Variants in SLC16A7 observed in about 807,000 individuals in gnomAD.
SLC16A7 encodes solute carrier family 16 member 7, also known as monocarboxylate transporter 2.
SLC16A7 carries 33 observed loss-of-function variants against 34.9 expected under a neutral mutation model. The ratio of observed to expected loss-of-function variants is 0.94; its 90% CI spans 0.72 to 1.26. SLC16A7 has a LOEUF of 1.26. Ranked by LOEUF, SLC16A7 falls within the 50% of genes most tolerant of loss-of-function variation. SLC16A7 has a pLI of 0.00. For synonymous variants in SLC16A7, 201 were observed against 206.6 expected, an observed-to-expected ratio of 0.97 and a Z score of 0.23; for missense variants, 573 against 578.1, an observed-to-expected ratio of 0.99 and a Z score of 0.09.
At position 59,783,827 on chromosome 12, in the gene SLC16A7, CT is replaced by C; in HGVS notation, c.*4155del. ...CCACCATGCCCGGCTAATTTTGTGG[CT>C]TTTTTTGTTTTGTTTTGTTTTGTTT... On this transcript the variant is annotated 3_prime_UTR_variant, in exon 6 of 6. Transcript: ENST00000547379. The C allele has an allele frequency of 6.6e-6, 1 of 151,822 alleles. No individual in the cohort carries two copies. The highest frequency in any genetic ancestry group is 1.5e-5 in the Non-Finnish European group (1 of 68,104). The allele number at this position is 151,822 out of a possible 1,614,324, so 9.4% of individuals were successfully genotyped here.
intron 2 of SLC16A7, among the ~76,000 whole-genome samples, chr12:59,688,443 A>G (rs184551103): frequency 1.1e-4 from 16 of 152,210 alleles, no homozygotes; most frequent in Admixed American, 8.5e-4. Context: ...TTTGAACAAG[A>G]TATTTGACAT....
Position 59,779,562 on chromosome 12 carries a change from T to C in SLC16A7, c.1320T>C (p.Asn440=), listed in dbSNP as rs1227845124. Residue 440 remains asparagine (N), a synonymous_variant, in exon 6 of 6, where the codon AAT becomes AAC. Transcript: ENST00000547379. ...RLLAKERKEE[N]ARQKTRESEP... The stretch of plus-strand genomic sequence containing the variant: ...TTGCAAAGGAAAGGAAGGAGGAAAA[T>C]GCAAGGCAGAAGACCAGAGAATCTG... 6.2e-7 allele frequency: 1 copy of C among 1,612,806 alleles called. No individual in the cohort carries two copies. Among genetic ancestry groups the C allele is most frequent in the Non-Finnish European group, 8.5e-7 (1 of 1,179,316 alleles).
intron 4 of SLC16A7, among the ~76,000 whole-genome samples, chr12:59,773,911 A>G (rs2137451775): frequency 6.6e-6 from 1 of 152,330 alleles, no homozygotes; most frequent in East Asian, 1.9e-4. Context: ...ATTGCTCAGT[A>G]GTGCCTTAGT....
chr12:59,698,611 A>G (rs987004075), intron 2 of SLC16A7, among the ~76,000 whole-genome samples: 1 of 151,798 alleles, frequency 6.6e-6, no homozygotes, highest in African/African-American at 2.4e-5. Context: ...CCGTTTGTGG[A>G]CCATTAGAGG....
In SLC16A7 at chr12:59,774,640, TG is replaced by T; in HGVS notation, c.362-16del. On this transcript the variant is annotated splice_polypyrimidine_tract_variant and intron_variant, in intron 4 of 5. Coordinates refer to ENST00000547379, the MANE Select transcript of SLC16A7 (RefSeq NM_001270623.2). ...ATGTGTTTGTGTTTTCCCCCACTTT[TG>T]TTTTGTTCTTTTTAGGTTTAGGTTT... 1 of 1,493,570 alleles carries T rather than the reference TG, an allele frequency of 6.7e-7. No individual in the cohort carries two copies. The highest frequency in any genetic ancestry group is 9.0e-7 in the Non-Finnish European group (1 of 1,105,694). 92.5% of individuals were successfully genotyped at this position (1,493,570 alleles called of 1,614,324 possible).
chr12:59,605,470 A>G (rs1448577866), intron 1 of SLC16A7, among the ~76,000 whole-genome samples: 4 of 152,182 alleles, frequency 2.6e-5, no homozygotes, highest in Non-Finnish European at 4.4e-5. Flanking sequence ...GGTCTGGAGA[A>G]TTCTCATAGA....
intron 1 of SLC16A7, among the ~76,000 whole-genome samples, chr12:59,603,812 T>C (rs1878803127): frequency 6.6e-6 from 1 of 152,240 alleles, no homozygotes; most frequent in Non-Finnish European, 1.5e-5. Flanking sequence ...TCCACTTTTA[T>C]GTGTTGTTTT....
At chr12:59,705,364 C>G (rs1453145070) in intron 3 of SLC16A7, among the ~76,000 whole-genome samples, 1 of 152,138 alleles carries the variant, frequency 6.6e-6, no homozygotes, top group African/African-American at 2.4e-5. Context: ...ATCGCTACCT[C>G]TGGTAGAAAT....
chr12:59,614,347 T>A (rs1879340170), intron 1 of SLC16A7, among the ~76,000 whole-genome samples: 1 of 152,086 alleles, frequency 6.6e-6, no homozygotes, highest in South Asian at 2.1e-4. Flanking sequence ...AAGAAACATT[T>A]TTACATGCAC....
At chr12:59,765,767 G>C (rs1034270334) in intron 3 of SLC16A7, among the ~76,000 whole-genome samples, 11 of 152,170 alleles carry the variant, frequency 7.2e-5, no homozygotes, top group Non-Finnish European at 5.9e-5. Context: ...CAGGTAGCGT[G>C]ATGCCTCCAG....
At chr12:59,755,580 C>G (rs142064807) in intron 3 of SLC16A7, among the ~76,000 whole-genome samples, 1 of 152,122 alleles carries the variant, frequency 6.6e-6, no homozygotes, top group Admixed American at 6.5e-5. Flanking sequence ...AGGAGAACTA[C>G]AAACCACTGC....
intron 3 of SLC16A7, among the ~76,000 whole-genome samples, chr12:59,735,062 A>G (rs1311502441): frequency 6.6e-6 from 1 of 152,218 alleles, no homozygotes; most frequent in Admixed American, 6.5e-5. Context: ...TTTATAGCTT[A>G]TGAATAAATT....
At chr12:59,704,694 A>T in intron 2 of SLC16A7, 78 bp from the exon 3 acceptor site, 1 of 685,924 alleles carries the variant, frequency 1.5e-6, no homozygotes, top group Non-Finnish European at 2.5e-6. Flanking sequence ...ACTGGAAAGT[A>T]CTATTTTAGT....
rs1196403637 is a variant in SLC16A7 at position 59,704,849 on chromosome 12, A to T, written c.48A>T (p.Gly16=). The T allele has an allele frequency of 1.2e-6, 2 of 1,613,722 alleles. No individual in the cohort carries two copies. Among genetic ancestry groups the T allele is most frequent in the African/African-American group, 2.7e-5 (2 of 74,906 alleles). The part of the protein sequence containing the change: ...SAPPVHPPPD[G]GWGWIVVGAA... ...CACCTGTGCATCCACCTCCAGATGGAGGATGGGGTTGGATTGTGGTTGGAG... is the reference window on the plus strand; with the variant it reads ...CACCTGTGCATCCACCTCCAGATGGTGGATGGGGTTGGATTGTGGTTGGAG... Residue 16 remains glycine, a synonymous_variant, in exon 3 of 6, where the codon GGA becomes GGT. Transcript: ENST00000547379.
intron 2 of SLC16A7, among the ~76,000 whole-genome samples, chr12:59,677,097 A>C (rs1592478590): frequency 6.6e-6 from 1 of 152,234 alleles, no homozygotes; most frequent in East Asian, 1.9e-4. Flanking sequence ...TATTTAATGA[A>C]TCATGAATTT....
chr12:59,775,012 C>A lies in SLC16A7; in HGVS notation c.717C>A (p.Phe239Leu). Reference sequence around the variant, plus strand: ...AAAAAGTTAATAAGTATTTAGATTTCTCCCTTTTTAAGCATAGAGGATTTC... The same window carrying A: ...AAAAAGTTAATAAGTATTTAGATTTATCCCTTTTTAAGCATAGAGGATTTC... The part of the protein sequence containing the change: ...TWEKVNKYLD[F>L]SLFKHRGFLI... The change falls in exon 5 of 6, where the codon TTC becomes TTA. Residue 239 changes from phenylalanine to leucine, a missense_variant. By Grantham distance (22) the Phe-to-Leu change is conservative (BLOSUM62 0). Transcript: ENST00000547379. 1 of 1,613,838 alleles carries A rather than the reference C, an allele frequency of 6.2e-7. No individual in the cohort carries two copies. The highest frequency in any genetic ancestry group is 8.5e-7 in the Non-Finnish European group (1 of 1,179,834).
At chr12:59,629,384 A>G (rs913455798) in intron 1 of SLC16A7, among the ~76,000 whole-genome samples, 13 of 151,954 alleles carry the variant, frequency 8.6e-5, no homozygotes, top group African/African-American at 3.1e-4. Flanking sequence ...ATGTTTTCTC[A>G]AATAATTATA....
At chr12:59,636,879 T>C (rs1164689355) in intron 1 of SLC16A7, among the ~76,000 whole-genome samples, 1 of 152,152 alleles carries the variant, frequency 6.6e-6, no homozygotes, top group Non-Finnish European at 1.5e-5. Flanking sequence ...TTTCATGTAG[T>C]ATGTAGATTA....
chr12:59,764,490 C>G (rs191999867), intron 3 of SLC16A7, among the ~76,000 whole-genome samples: 1 of 131,768 alleles, frequency 7.6e-6, no homozygotes, highest in Non-Finnish European at 1.6e-5. Context: ...CCCTCCCCCT[C>G]CACCACAACA....
Sources: gnomAD v4.1 joint callset for allele counts (sites outside exome capture counted in the v4.1 genomes callset) on GRCh38, gnomAD v4.1.1 for gene constraint, MANE v1.5 for transcripts, NCBI Gene and HGNC (gene_info 2026-07-23, HGNC 2026-07-21) for gene names.